The following PRMT9 variants were observed in gnomAD, a reference collection of about 807,000 sequenced individuals.
The protein encoded by PRMT9 is protein arginine methyltransferase 9, also known as protein arginine N-methyltransferase 9.
Under a neutral mutation model 83.2 loss-of-function variants are expected in PRMT9, and 59 were observed. The ratio of observed to expected loss-of-function variants is 0.71; its 90% CI spans 0.57 to 0.88. The LOEUF is 0.88. Among genes scored for constraint, PRMT9 ranks in the 40% least tolerant of loss-of-function variants. The pLI, the probability that PRMT9 is intolerant of heterozygous loss-of-function variation, is 0.00. For synonymous variants in PRMT9, 333 were observed against 353.2 expected (o/e 0.94, Z 0.64); for missense variants, 947 against 1,021.9 (o/e 0.93, Z 1.00).
chr4:147,671,087 C>G (rs1431573531), intron 4 of PRMT9, among the ~76,000 whole-genome samples: 1 of 152,140 alleles, frequency 6.6e-6, no homozygotes. Flanking sequence ...CTTTATCAGT[C>G]TCTTCCTTAA....
In PRMT9 at chr4:147,660,967, G is replaced by A. The variant is rs1734908853; in HGVS notation, c.1025C>T (p.Ser342Phe). The change falls in exon 7 of 12, where the codon TCT (serine) becomes TTT (phenylalanine). Residue 342 changes from serine (S) to phenylalanine (F), a missense_variant. By Grantham distance (155) the Ser-to-Phe change is radical. Coordinates refer to ENST00000322396, the MANE Select transcript of PRMT9 (RefSeq NM_138364.4). ...NVKFQSPAYS[S>F]VDTEETIEPY... ...TTCAATTGTTTCTTCAGTATCTACA[G>A]AAGAATAAGCCGGACTCTGAAATTT... 1 of 1,612,582 alleles carries A rather than the reference G, an allele frequency of 6.2e-7. No homozygotes were observed. The highest frequency in any genetic ancestry group is 8.5e-7 in the Non-Finnish European group (1 of 1,178,736).
At chr4:147,682,627 C>A (rs762003374) in intron 1 of PRMT9, among the ~76,000 whole-genome samples, 8 of 152,198 alleles carry the variant, frequency 5.3e-5, no homozygotes, top group African/African-American at 9.7e-5. Flanking sequence ...ACTTTTAATA[C>A]CCAGTAAACA....
At position 147,683,712 on chromosome 4, in the gene PRMT9, C is replaced by T; in HGVS notation, c.189+87G>A. 6 of 1,345,026 alleles carry T rather than the reference C, an allele frequency of 4.5e-6. No individual in the cohort carries two copies. In the South Asian group the frequency reaches 7.4e-5, roughly 17 times the overall value. 83.3% of individuals were successfully genotyped at this position (1,345,026 alleles called of 1,614,324 possible). ...GCAACCACCCACCCAGGCACCCTAGCCCCTCCGCTTTTTTTTTTTTCTGTT... is the reference window on the plus strand; with the variant it reads ...GCAACCACCCACCCAGGCACCCTAGTCCCTCCGCTTTTTTTTTTTTCTGTT... On this transcript the variant is annotated intron_variant, in intron 1 of 11. Coordinates refer to ENST00000322396, the MANE Select transcript of PRMT9 (RefSeq NM_138364.4).
chr4:147,664,799 AAAATT>A (rs950530019), intron 6 of PRMT9, among the ~76,000 whole-genome samples: 9 of 152,190 alleles, frequency 5.9e-5, no homozygotes, highest in Non-Finnish European at 1.0e-4. Flanking sequence ...AACTTAAAGT[AAAATT>A]AAATTAAATT....
chr4:147,651,426 A>G (rs1292583289), intron 9 of PRMT9, among the ~76,000 whole-genome samples: 1 of 152,194 alleles, frequency 6.6e-6, no homozygotes, highest in Non-Finnish European at 1.5e-5. Context: ...ATCAAAGGAA[A>G]TGATCAAAAG....
At chr4:147,643,029 G>A in intron 9 of PRMT9, 89 bp from the exon 10 acceptor site, 1 of 1,179,022 alleles carries the variant, frequency 8.5e-7, no homozygotes, top group South Asian at 1.2e-5. Context: ...GGAGGCCAAG[G>A]TGGGTGGATC....
At chr4:147,673,974 C>T (rs1735905633) in intron 2 of PRMT9, 100 bp from the exon 3 acceptor site, 1 of 959,380 alleles carries the variant, frequency 1.0e-6, no homozygotes, top group African/African-American at 1.6e-5. Flanking sequence ...AATTCCATGC[C>T]AGCACCCCAA....
intron 4 of PRMT9, 37 bp from the exon 5 acceptor site, chr4:147,670,780 A>G (rs1326279592): frequency 3.9e-6 from 5 of 1,282,690 alleles, no homozygotes; most frequent in South Asian, 1.2e-5. Flanking sequence ...TGTAAGTAAA[A>G]TATCATGCTA....
At position 147,663,321 on chromosome 4, in the gene PRMT9, A is replaced by G. The variant is rs114543068; in HGVS notation, c.954-2283T>C. Reference sequence around the variant, plus strand: ...CCGCGCCCAGCCTACTATGATTTCAATAACTCAAAATTAAAAGTCACAAGT... The same window carrying G: ...CCGCGCCCAGCCTACTATGATTTCAGTAACTCAAAATTAAAAGTCACAAGT... On this transcript the variant is annotated intron_variant, in intron 6 of 11. Transcript: ENST00000322396. 6.1e-3 allele frequency among the ~76,000 whole-genome samples: 930 copies of G among 151,626 alleles called. 16 individuals are homozygous for G. The highest frequency in any genetic ancestry group is 0.033 in the East Asian group (171 of 5,128).
At chr4:147,651,089 T>A (rs1360043609) in intron 9 of PRMT9, among the ~76,000 whole-genome samples, 1 of 149,602 alleles carries the variant, frequency 6.7e-6, no homozygotes. Context: ...GACAAAAGAG[T>A]GAGACTCCAT....
At chr4:147,677,043 C>CAAA (rs1176356042) in intron 2 of PRMT9, among the ~76,000 whole-genome samples, 2 of 56,558 alleles carry the variant, frequency 3.5e-5, no homozygotes, top group Non-Finnish European at 4.2e-5. Flanking sequence ...GACTCCGTCT[C>CAAA]AAAAAAAAAA....
intron 3 of PRMT9, 130 bp from the exon 4 acceptor site, chr4:147,673,256 A>G: frequency 3.9e-6 from 3 of 768,658 alleles, no homozygotes; most frequent in Non-Finnish European, 6.4e-6. Context: ...CTCACTCTGC[A>G]TTAAAAAATA....
chr4:147,638,499 C>G lies in PRMT9; in HGVS notation c.*33G>C. On this transcript the variant is annotated 3_prime_UTR_variant, in exon 12 of 12. Coordinates refer to ENST00000322396, the MANE Select transcript of PRMT9 (RefSeq NM_138364.4). ...CAAGAATTTTGTACTTGTTGATGCTCTATTTACACAGTTTTCATTGGAAAA... is the reference window on the plus strand; with the variant it reads ...CAAGAATTTTGTACTTGTTGATGCTGTATTTACACAGTTTTCATTGGAAAA... 1 of 1,537,294 alleles carries G rather than the reference C, an allele frequency of 6.5e-7. No individual in the cohort carries two copies. Among genetic ancestry groups the G allele is most frequent in the Non-Finnish European group, 9.0e-7 (1 of 1,110,918 alleles).
At chr4:147,641,072 C>T (rs1430248341) in intron 10 of PRMT9, among the ~76,000 whole-genome samples, 2 of 152,174 alleles carry the variant, frequency 1.3e-5, no homozygotes, top group African/African-American at 4.8e-5. Flanking sequence ...GCTACCACTC[C>T]AGTCAAAGCC....
chr4:147,655,018 T>TAAC (rs1734386995), intron 8 of PRMT9, among the ~76,000 whole-genome samples: 3 of 152,198 alleles, frequency 2.0e-5, no homozygotes, highest in Admixed American at 2.0e-4. Flanking sequence ...AAGAACAAGG[T>TAAC]AACATTCAAC....
chr4:147,673,919 C>T (rs755944175), intron 2 of PRMT9, 45 bp from the exon 3 acceptor site: 1 of 1,457,796 alleles, frequency 6.9e-7, no homozygotes, highest in Non-Finnish European at 9.6e-7. Flanking sequence ...CAACTATATG[C>T]TACCAACTGC....
intron 9 of PRMT9, among the ~76,000 whole-genome samples, chr4:147,646,088 T>A (rs1456777702): frequency 6.6e-6 from 1 of 152,242 alleles, no homozygotes; most frequent in Non-Finnish European, 1.5e-5. Context: ...TTAATAAGAT[T>A]GCACAGCTCT....
chr4:147,676,203 G>C (rs749817312), intron 2 of PRMT9, among the ~76,000 whole-genome samples: 1 of 152,096 alleles, frequency 6.6e-6, no homozygotes, highest in Non-Finnish European at 1.5e-5. Context: ...ACAACAACAG[G>C]TCACCAAAAG....
chr4:147,639,864 A>T (rs1733263395), intron 10 of PRMT9, among the ~76,000 whole-genome samples: 1 of 152,012 alleles, frequency 6.6e-6, no homozygotes, highest in African/African-American at 2.4e-5. Flanking sequence ...TATTCCCCAT[A>T]AAAACTCAAC....
Sources: gnomAD v4.1 joint callset for allele counts (sites outside exome capture counted in the v4.1 genomes callset) on GRCh38, gnomAD v4.1.1 for gene constraint, MANE v1.5 for transcripts, NCBI Gene and HGNC (gene_info 2026-07-23, HGNC 2026-07-21) for gene names.